The following AQP4 variants were observed in gnomAD, a reference collection of about 807,000 sequenced individuals.
The protein encoded by AQP4 is aquaporin-4.
Under a neutral mutation model 27.8 loss-of-function variants are expected in AQP4, and 18 were observed. The ratio of observed to expected loss-of-function variants is 0.65; its 90% CI spans 0.45 to 0.96. AQP4 has a LOEUF of 0.96. Among genes scored for constraint, AQP4 ranks in the 40% least tolerant of loss-of-function variants. AQP4 has a pLI of 0.00. For missense variants in AQP4, 412 were observed against 408.2 expected (o/e 1.01, Z -0.08); for synonymous variants, 141 against 142.9 (o/e 0.99, Z 0.10).
rs1316665051 is a variant in AQP4 at position 26,852,941 on chromosome 18, CCTT to C, written c.*3267_*3269del. The C allele has an allele frequency of 2.5e-5, 10 of 398,344 alleles. No individual in the cohort carries two copies. Among genetic ancestry groups the C allele is most frequent in the African/African-American group, 1.4e-4 (7 of 48,716 alleles). The allele number at this position is 398,344 out of a possible 1,614,324, so 24.7% of individuals were successfully genotyped here. Reference sequence around the variant, plus strand: ...GGTGTCAACATGCTGCAATCAGAGGCCTTCTAGGATTCATCTTACCATTTGAAT... The same window carrying C: ...GGTGTCAACATGCTGCAATCAGAGGCCTAGGATTCATCTTACCATTTGAAT... On this transcript the variant is annotated 3_prime_UTR_variant, in exon 5 of 5. Transcript: ENST00000383168.
rs2054805228 is a variant in AQP4, at chr18:26,854,376, C to T, written c.*1835G>A. On this transcript the variant is annotated 3_prime_UTR_variant, in exon 5 of 5. Transcript: ENST00000383168. ...TGTGCAAACATTTGAAATGACGGTGCAAACCATCTTTGGGAGATTTGTACC... is the reference window on the plus strand; with the variant it reads ...TGTGCAAACATTTGAAATGACGGTGTAAACCATCTTTGGGAGATTTGTACC... The T allele has an allele frequency of 6.6e-6, 1 of 152,208 alleles. No homozygotes were observed. Among genetic ancestry groups the T allele is most frequent in the South Asian group, 2.1e-4 (1 of 4,828 alleles). 9.4% of individuals were successfully genotyped at this position (152,208 alleles called of 1,614,324 possible). A position where few individuals can be genotyped will look rare whatever the true frequency, so the allele number is the denominator to read the frequency against.
intron 4 of AQP4, 160 bp downstream of exon 4, chr18:26,860,612 G>T: frequency 1.4e-6 from 1 of 713,654 alleles, no homozygotes; most frequent in Non-Finnish European, 2.5e-6. Flanking sequence ...GCAGATCTGT[G>T]CTATTCTTTC....
At chr18:26,861,822 T>C (rs55875625) in intron 2 of AQP4, among the ~76,000 whole-genome samples, 13,327 of 152,206 alleles carry the variant, frequency 0.088, 815 homozygotes, top group Non-Finnish European at 0.12. Flanking sequence ...GTACATCTTA[T>C]GAACATGACA....
At chr18:26,862,779 G>C in intron 1 of AQP4, 183 bp from the exon 2 acceptor site, 1 of 724,672 alleles carries the variant, frequency 1.4e-6, no homozygotes, top group South Asian at 1.7e-5. Context: ...TGTTATTCTA[G>C]TCTCCTTTCA....
At chr18:26,864,066 T>A (rs2055011647) in intron 1 of AQP4, among the ~76,000 whole-genome samples, 1 of 151,994 alleles carries the variant, frequency 6.6e-6, no homozygotes, top group Non-Finnish European at 1.5e-5. Flanking sequence ...CCTGTGATAG[T>A]CATGAGAGCC....
At chr18:26,858,278 A>C (rs2054878901) in intron 4 of AQP4, among the ~76,000 whole-genome samples, 1 of 152,162 alleles carries the variant, frequency 6.6e-6, no homozygotes, top group African/African-American at 2.4e-5. Context: ...GTCTCAAAAA[A>C]AAGAAAAAAA....
At chr18:26,860,927 C>T in intron 3 of AQP4, 75 bp from the exon 4 acceptor site, 3 of 1,488,850 alleles carry the variant, frequency 2.0e-6, no homozygotes, top group Non-Finnish European at 2.8e-6. Context: ...TTGCAATTTG[C>T]TGTCATTTGT....
rs2054835780 is a variant in AQP4, at chr18:26,856,129, A to G, written c.*82T>C. On this transcript the variant is annotated 3_prime_UTR_variant, in exon 5 of 5. Coordinates refer to ENST00000383168, the MANE Select transcript of AQP4 (RefSeq NM_001650.7). ...CAAACCTGCACATTTCTAATTTATA[A>G]CAAATCTGTTTCCTTAATGGGTGGA... is the stretch of plus-strand genomic sequence containing the variant. 1 of 1,535,436 alleles carries G rather than the reference A, an allele frequency of 6.5e-7. No homozygotes were observed. The highest frequency in any genetic ancestry group is 9.0e-7 in the Non-Finnish European group (1 of 1,110,722).
chr18:26,865,713 T>C (rs773993851), upstream of AQP4: 28 of 1,614,012 alleles, frequency 1.7e-5, no homozygotes, highest in Admixed American at 4.7e-4. Context: ...AGAGTGCAGC[T>C]CTCATTGCCT....
Position 26,856,021 on chromosome 18 carries a change from A to G in AQP4, c.*190T>C. 1 of 694,558 alleles carries G rather than the reference A, an allele frequency of 1.4e-6. No homozygotes were observed. The highest frequency in any genetic ancestry group is 2.4e-6 in the Non-Finnish European group (1 of 423,894). The allele number at this position is 694,558 out of a possible 1,614,324, so 43.0% of individuals were successfully genotyped here. ...AAAATATTTCTTTTTTTAGATTTGG[A>G]ATTCACAATAGGTTTCTTCCGTTCC... On this transcript the variant is annotated 3_prime_UTR_variant, in exon 5 of 5. Transcript: ENST00000383168.
intron 1 of AQP4, 107 bp downstream of exon 1, chr18:26,865,551 A>G (rs1308032244): frequency 1.4e-6 from 2 of 1,445,626 alleles, no homozygotes; most frequent in Admixed American, 3.3e-5. Context: ...CCTGCCCTAT[A>G]GCTGCCTTCC....
rs1166425445 is a variant in AQP4, at chr18:26,853,699, T to G, written c.*2512A>C. 6.6e-6 allele frequency: 1 copy of G among 152,614 alleles called. No individual in the cohort carries two copies. Among genetic ancestry groups the G allele is most frequent in the Non-Finnish European group, 1.5e-5 (1 of 68,034 alleles). The allele number at this position is 152,614 out of a possible 1,614,324, so 9.5% of individuals were successfully genotyped here. On this transcript the variant is annotated 3_prime_UTR_variant, in exon 5 of 5. Transcript: ENST00000383168. Reference sequence around the variant, plus strand: ...AGTCTCCTAATACACTTGGATAATTTGGTGCCATCCACAAGGCGATAGACC... The same window carrying G: ...AGTCTCCTAATACACTTGGATAATTGGGTGCCATCCACAAGGCGATAGACC...
chr18:26,865,636 C>A, intron 1 of AQP4, 22 bp downstream of exon 1: 2 of 1,614,198 alleles, frequency 1.2e-6, no homozygotes, highest in Non-Finnish European at 1.7e-6. Flanking sequence ...GCGTTGTTCC[C>A]TTAAGGCAAA....
rs2054839331 is a variant in AQP4, at chr18:26,856,264, C to T, written c.919G>A (p.Gly307Arg). The T allele has an allele frequency of 4.3e-6, 7 of 1,614,170 alleles. No individual in the cohort carries two copies. The highest frequency in any genetic ancestry group is 4.2e-6 in the Non-Finnish European group (5 of 1,180,030). Residue 307 changes from glycine (G) to arginine (R), a missense_variant, in exon 5 of 5, where the codon GGA becomes AGA. Physicochemically the swap from Gly to Arg is moderately radical, Grantham distance 125 (BLOSUM62 -2). Coordinates refer to ENST00000383168, the MANE Select transcript of AQP4 (RefSeq NM_001650.7). ...TGGTCTTTCCCCTTCTTCTCCTCTC[C>T]CCGGTCAACGTCAATCACATGCACC... Reference protein sequence around the residue: ...GVVHVIDVDRGEEKKGKDQSG... With the variant: ...GVVHVIDVDRREEKKGKDQSG...
chr18:26,865,732 G>C (rs765517764), upstream of AQP4: 4 of 1,612,992 alleles, frequency 2.5e-6, no homozygotes, highest in African/African-American at 2.7e-5. Context: ...CTGCCCCGCA[G>C]CTCCCTGTGT....
rs772697365 is a variant in AQP4 at position 26,861,142 on chromosome 18, G to A, written c.601C>T (p.His201Tyr). The change falls in exon 3 of 5, where the codon CAT becomes TAT. Residue 201 changes from histidine to tyrosine, a missense_variant. Transcript: ENST00000383168. ...ACTTGGAAACTTACTGCAAATAAAT[G>A]TCCAATTGCAACAGAAAATCCAATT... ...LAIGFSVAIGHLFAINYTGAS... is the reference protein window; with the variant it reads ...LAIGFSVAIGYLFAINYTGAS... The A allele has an allele frequency of 3.1e-6, 5 of 1,614,056 alleles. No homozygotes were observed. The South Asian group carries it at 4.4e-5, about 14-fold the overall frequency.
intron 2 of AQP4, 137 bp from the exon 3 acceptor site, chr18:26,861,432 T>G (rs2054942366): frequency 2.4e-6 from 2 of 817,288 alleles, no homozygotes; most frequent in Non-Finnish European, 4.0e-6. Flanking sequence ...CAACTGAGAA[T>G]TTCCTTCTCT....
chr18:26,855,818 T>C lies in AQP4; in HGVS notation c.*393A>G. The C allele has an allele frequency of 3.7e-6, 1 of 271,658 alleles. No homozygotes were observed. Among genetic ancestry groups the C allele is most frequent in the Non-Finnish European group, 7.2e-6 (1 of 139,600 alleles). 16.8% of individuals were successfully genotyped at this position (271,658 alleles called of 1,614,324 possible). ...CATTGTTAAACTCAGTTTAATAGAA[T>C]AAATATTCAAATAAGAATTGACTAT... On this transcript the variant is annotated 3_prime_UTR_variant, in exon 5 of 5. Transcript: ENST00000383168.
chr18:26,864,839 G>A (rs985548306), intron 1 of AQP4, among the ~76,000 whole-genome samples: 29 of 152,014 alleles, frequency 1.9e-4, no homozygotes, highest in African/African-American at 6.8e-4. Flanking sequence ...CCCAGAAAAG[G>A]CCAGCCCCGC....
Sources: allele counts gnomAD v4.1 joint callset (sites outside exome capture counted in the v4.1 genomes callset), GRCh38; gene constraint gnomAD v4.1.1; transcripts MANE v1.5; gene names NCBI Gene and HGNC (gene_info 2026-07-23, HGNC 2026-07-21).